Variants in AGO2 observed in about 807,000 individuals in gnomAD.
AGO2 encodes the protein argonaute RISC catalytic component 2, also known as protein argonaute-2.
AGO2 carries 5 observed loss-of-function variants against 102.3 expected under a neutral mutation model. The ratio of observed to expected loss-of-function variants is 0.05; its 90% CI spans 0.03 to 0.10. The LOEUF is 0.10. Among genes scored for constraint, AGO2 ranks in the 10% least tolerant of loss-of-function variants. The pLI is 1.00. For synonymous variants in AGO2, 449 were observed against 473.1 expected (o/e 0.95, Z 0.66); for missense variants, 541 against 1,183.7 (o/e 0.46, Z 7.97).
At chr8:140,583,731 C>T (rs1420136012) in intron 2 of AGO2, among the ~76,000 whole-genome samples, 1 of 152,180 alleles carries the variant, frequency 6.6e-6, no homozygotes, top group African/African-American at 2.4e-5. Flanking sequence ...AAAAATTAGC[C>T]AGGTGTGGTG....
chr8:140,540,621 T>C lies in AGO2; in HGVS notation c.2034+543A>G, dbSNP rs1482373594. Among the ~76,000 whole-genome samples, 1 of 152,180 alleles carries C rather than the reference T, an allele frequency of 6.6e-6. No homozygotes were observed. The highest frequency in any genetic ancestry group is 1.5e-5 in the Non-Finnish European group (1 of 68,016). ...CCTCACCCCTCTGTGATGGCTTCCC[T>C]GCCTGTCCAGACTCAGCAGTGACCC... On this transcript the variant is annotated intron_variant, in intron 15 of 18. Coordinates refer to ENST00000220592, the MANE Select transcript of AGO2 (RefSeq NM_012154.5). This position sits in a 1 kb window ranked among gnomAD's most constrained non-coding sequence, Gnocchi z 5.0.
At position 140,532,401 on chromosome 8, in the gene AGO2, A is replaced by G; in HGVS notation, c.2471+15T>C. On this transcript the variant is annotated intron_variant, in intron 18 of 18. Transcript: ENST00000220592. Reference sequence around the variant, plus strand: ...ACCACCCCTGCTGTGACCTCCAGCCAGGCATGCCACTCACCTGTCATGTTC... The same window carrying G: ...ACCACCCCTGCTGTGACCTCCAGCCGGGCATGCCACTCACCTGTCATGTTC... 1 of 1,605,972 alleles carries G rather than the reference A, an allele frequency of 6.2e-7. No individual in the cohort carries two copies. Among genetic ancestry groups the G allele is most frequent in the Non-Finnish European group, 8.5e-7 (1 of 1,175,428 alleles).
chr8:140,615,967 G>C (rs972260677), intron 1 of AGO2, among the ~76,000 whole-genome samples: 2 of 152,196 alleles, frequency 1.3e-5, no homozygotes, highest in Non-Finnish European at 2.9e-5. Flanking sequence ...TAAGAAACAT[G>C]CTTTCTGATA....
intron 2 of AGO2, among the ~76,000 whole-genome samples, chr8:140,581,638 G>C (rs2133001891): frequency 6.6e-6 from 1 of 152,300 alleles, no homozygotes; most frequent in East Asian, 1.9e-4. Context: ...CAAACCAGCA[G>C]TCCCACTGAT....
chr8:140,608,636 G>A (rs1003526987), intron 1 of AGO2, among the ~76,000 whole-genome samples: 7 of 152,326 alleles, frequency 4.6e-5, no homozygotes, highest in Middle Eastern at 3.4e-3. Context: ...CCACCTGGGC[G>A]GGCACCAGCC....
chr8:140,604,188 T>C (rs1317609904), intron 1 of AGO2, among the ~76,000 whole-genome samples: 1 of 152,202 alleles, frequency 6.6e-6, no homozygotes, highest in Non-Finnish European at 1.5e-5. Flanking sequence ...GGAGCAGATA[T>C]ATTCTCAAAC....
intron 1 of AGO2, among the ~76,000 whole-genome samples, chr8:140,597,082 G>A (rs531981718): frequency 6.6e-6 from 1 of 152,276 alleles, no homozygotes; most frequent in African/African-American, 2.4e-5. Flanking sequence ...ATGGTTAAAG[G>A]GAACTCACAG....
chr8:140,627,097 C>T (rs1201014114), intron 1 of AGO2, among the ~76,000 whole-genome samples: 3 of 152,216 alleles, frequency 2.0e-5, no homozygotes, highest in Non-Finnish European at 4.4e-5. Flanking sequence ...AAAGAACTCC[C>T]CATTTATATC....
chr8:140,558,659 T>A, intron 6 of AGO2, 87 bp from the exon 7 acceptor site: 1 of 1,441,192 alleles, frequency 6.9e-7, no homozygotes. Flanking sequence ...TTCATAGGAA[T>A]GTGGCTGGGG....
chr8:140,595,776 A>G (rs1379870197), intron 1 of AGO2, among the ~76,000 whole-genome samples: 2 of 88,780 alleles, frequency 2.3e-5, no homozygotes, highest in African/African-American at 7.6e-5. Context: ...TATATTATAT[A>G]CAATTGTATA....
chr8:140,635,019 C>G (rs2074388217), intron 1 of AGO2, among the ~76,000 whole-genome samples: 1 of 151,070 alleles, frequency 6.6e-6, no homozygotes, highest in South Asian at 2.1e-4. Flanking sequence ...CCGGCCTCCA[C>G]CCGCTCAGGC....
At chr8:140,560,224 A>G (rs887583813) in intron 5 of AGO2, 150 bp downstream of exon 5, 118 of 1,184,630 alleles carry the variant, frequency 1.0e-4, no homozygotes, top group Non-Finnish European at 1.2e-4. Context: ...CCAACACTGC[A>G]GGTGAGACCA....
At chr8:140,590,348 C>T (rs2073729202) in intron 1 of AGO2, among the ~76,000 whole-genome samples, 1 of 152,218 alleles carries the variant, frequency 6.6e-6, no homozygotes, top group African/African-American at 2.4e-5. Flanking sequence ...AAAAGGAACC[C>T]TCGCACTTTG....
In AGO2 at chr8:140,617,703, G is replaced by A. The variant is rs184853647; in HGVS notation, c.22+17782C>T. ...GAGCCCACCCTCTGATCTGTGTGCT[G>A]CCATCATCCTTTTACTTTAAAAATT... is the stretch of plus-strand genomic sequence containing the variant. On this transcript the variant is annotated intron_variant, in intron 1 of 18. Coordinates refer to ENST00000220592, the MANE Select transcript of AGO2 (RefSeq NM_012154.5). Among the ~76,000 whole-genome samples the A allele has an allele frequency of 3.9e-5, 6 of 152,336 alleles. 1 individual carries two copies. The highest frequency in any genetic ancestry group is 2.0e-4 in the Admixed American group (3 of 15,302).
intron 1 of AGO2, among the ~76,000 whole-genome samples, chr8:140,607,517 C>T (rs75697737): frequency 0.049 from 781 of 15,866 alleles, 62 homozygotes; most frequent in Middle Eastern, 0.12. Context: ...TATATATATA[C>T]ACACACACAC....
intron 1 of AGO2, among the ~76,000 whole-genome samples, chr8:140,611,004 T>A (rs965988636): frequency 2.6e-5 from 4 of 152,232 alleles, no homozygotes; most frequent in Admixed American, 6.5e-5. Flanking sequence ...CACGCGCGCA[T>A]GCAGATCATT....
At chr8:140,611,679 G>A (rs142043488) in intron 1 of AGO2, among the ~76,000 whole-genome samples, 14 of 152,182 alleles carry the variant, frequency 9.2e-5, no homozygotes, top group East Asian at 3.9e-4. Flanking sequence ...AGTGGGGGGT[G>A]CACATACCCA....
intron 1 of AGO2, among the ~76,000 whole-genome samples, chr8:140,615,801 A>G (rs1027460151): frequency 6.6e-6 from 1 of 152,218 alleles, no homozygotes; most frequent in Admixed American, 6.5e-5. Context: ...AATTAAACAC[A>G]CTATTGAGTT....
At chr8:140,621,468 C>T (rs550497459) in intron 1 of AGO2, among the ~76,000 whole-genome samples, 75 of 152,296 alleles carry the variant, frequency 4.9e-4, no homozygotes, top group East Asian at 3.9e-3. Context: ...TCCCCAGTCA[C>T]GGGCATGACC....
Sources: allele counts gnomAD v4.1 joint callset (sites outside exome capture counted in the v4.1 genomes callset), GRCh38; gene constraint gnomAD v4.1.1; non-coding constraint Gnocchi (gnomAD v3.1); transcripts MANE v1.5; gene names NCBI Gene and HGNC (gene_info 2026-07-23, HGNC 2026-07-21).